The following ATF7IP variants were observed in gnomAD, a reference collection of about 807,000 sequenced individuals.
ATF7IP encodes activating transcription factor 7 interacting protein, also known as activating transcription factor 7-interacting protein 1.
Under a neutral mutation model 106.4 loss-of-function variants are expected in ATF7IP, and 23 were observed. The ratio of observed to expected loss-of-function variants is 0.22; its 90% CI spans 0.16 to 0.31. The LOEUF is 0.31. Ranked by LOEUF, ATF7IP falls within the 10% of genes least tolerant of loss-of-function variation. The pLI, the probability that ATF7IP is intolerant of heterozygous loss-of-function variation, is 1.00. For missense variants in ATF7IP, 1,334 were observed against 1,524.3 expected, an observed-to-expected ratio of 0.88 and a Z score of 2.08; for synonymous variants, 542 against 539.0, an observed-to-expected ratio of 1.01 and a Z score of -0.08.
At position 14,497,809 on chromosome 12, in the gene ATF7IP, C is replaced by T. The variant is rs758411536; in HGVS notation, c.3549C>T (p.Val1183=). The T allele has an allele frequency of 1.9e-6, 3 of 1,613,926 alleles. No individual in the cohort carries two copies. The highest frequency in any genetic ancestry group is 2.2e-5 in the East Asian group (1 of 44,874). The change falls in exon 15 of 15, where the codon GTC becomes GTT. Residue 1183 remains valine (V), a synonymous_variant. Transcript: ENST00000261168. ...SQNGIVLSWS[V]LEVDRSCATV... is the part of the protein sequence containing the mutation. ...ATGGCATAGTACTGTCATGGAGTGTCCTGGAGGTGGATCGAAGCTGTGCCA... is the reference window on the plus strand; with the variant it reads ...ATGGCATAGTACTGTCATGGAGTGTTCTGGAGGTGGATCGAAGCTGTGCCA...
intron 1 of ATF7IP, among the ~76,000 whole-genome samples, chr12:14,387,458 A>G (rs1266627670): frequency 1.3e-5 from 2 of 152,140 alleles, no homozygotes; most frequent in Non-Finnish European, 2.9e-5. Context: ...AAAACTGTCC[A>G]TGTTGAAATT....
At chr12:14,387,150 A>T (rs1392659119) in intron 1 of ATF7IP, among the ~76,000 whole-genome samples, 1 of 152,170 alleles carries the variant, frequency 6.6e-6, no homozygotes, top group Non-Finnish European at 1.5e-5. Context: ...GACATAGTAG[A>T]TTCTCATAAT....
intron 1 of ATF7IP, among the ~76,000 whole-genome samples, chr12:14,388,275 C>G (rs578221672): frequency 6.6e-6 from 1 of 151,984 alleles, no homozygotes; most frequent in African/African-American, 2.4e-5. Context: ...GTCTCGAACT[C>G]CTGACCTCAG....
At position 14,427,193 on chromosome 12, in the gene ATF7IP, G is replaced by A. The variant is rs1382327144; in HGVS notation, c.1558+1720G>A. On this transcript the variant is annotated intron_variant, in intron 2 of 14. Transcript: ENST00000261168. The stretch of plus-strand genomic sequence containing the variant: ...GCTGGAGTACAGTGGCACAATCATA[G>A]CTCACTGCAGCTTCCACTTTACTGG... Among the ~76,000 whole-genome samples, 5 of 152,122 alleles carry A rather than the reference G, an allele frequency of 3.3e-5. No individual in the cohort carries two copies. The East Asian group carries it at 9.7e-4, about 29-fold the overall frequency.
intron 13 of ATF7IP, among the ~76,000 whole-genome samples, chr12:14,489,254 G>A (rs1181052308): frequency 1.3e-5 from 2 of 152,150 alleles, no homozygotes; most frequent in Non-Finnish European, 2.9e-5. Context: ...CTCCATTGTG[G>A]AACAGTAGAC....
chr12:14,459,613 T>C (rs1003214704), intron 8 of ATF7IP, among the ~76,000 whole-genome samples: 3 of 152,220 alleles, frequency 2.0e-5, no homozygotes, highest in African/African-American at 4.8e-5. Context: ...CTCATTGTTA[T>C]GAAAATAGTT....
At chr12:14,414,905 C>CA (rs1565491174) in intron 1 of ATF7IP, among the ~76,000 whole-genome samples, 2 of 151,990 alleles carry the variant, frequency 1.3e-5, no homozygotes, top group Non-Finnish European at 2.9e-5. Flanking sequence ...GTGAAAAGTA[C>CA]GTTTGGACAA....
At chr12:14,377,054 G>A (rs1274595915) in intron 1 of ATF7IP, among the ~76,000 whole-genome samples, 3 of 152,028 alleles carry the variant, frequency 2.0e-5, no homozygotes, top group Non-Finnish European at 2.9e-5. Context: ...GAATGCAGTG[G>A]CATGATCTTG....
intron 1 of ATF7IP, among the ~76,000 whole-genome samples, chr12:14,405,739 C>T (rs1339633134): frequency 6.6e-6 from 1 of 152,160 alleles, no homozygotes; most frequent in South Asian, 2.1e-4. Flanking sequence ...CCACTTTAAA[C>T]TCCTGTGGGT....
chr12:14,447,130 A>T (rs1200874750), intron 6 of ATF7IP, 77 bp downstream of exon 6: 31 of 1,171,270 alleles, frequency 2.6e-5, no homozygotes, highest in Admixed American at 1.2e-4. Context: ...TTAGGAGGAA[A>T]CTGTATTACA....
chr12:14,412,441 T>C (rs1445201582), intron 1 of ATF7IP, among the ~76,000 whole-genome samples: 3 of 152,170 alleles, frequency 2.0e-5, no homozygotes, highest in African/African-American at 7.2e-5. Flanking sequence ...TATTTATGTC[T>C]TTAATTTATT....
At chr12:14,450,415 A>G (rs1591889245) in intron 6 of ATF7IP, among the ~76,000 whole-genome samples, 1 of 152,134 alleles carries the variant, frequency 6.6e-6, no homozygotes, top group South Asian at 2.1e-4. Flanking sequence ...CTTTTGCTGC[A>G]TCAATTAAGA....
At chr12:14,433,289 G>A (rs917494110) in intron 2 of ATF7IP, among the ~76,000 whole-genome samples, 2 of 152,066 alleles carry the variant, frequency 1.3e-5, no homozygotes, top group Admixed American at 1.3e-4. Context: ...GGTGGATCAC[G>A]AGGTCAAGAG....
At chr12:14,433,177 T>G (rs923011207) in intron 2 of ATF7IP, among the ~76,000 whole-genome samples, 1 of 152,122 alleles carries the variant, frequency 6.6e-6, no homozygotes, top group African/African-American at 2.4e-5. Context: ...GAGACCAGTC[T>G]GCCCAACATG....
At chr12:14,491,640 G>A (rs1041508649) in intron 13 of ATF7IP, among the ~76,000 whole-genome samples, 2 of 152,188 alleles carry the variant, frequency 1.3e-5, no homozygotes, top group African/African-American at 4.8e-5. Context: ...ACACCCCTGA[G>A]GTAAGACAGT....
chr12:14,496,351 T>G lies in ATF7IP; in HGVS notation c.3393+8T>G, dbSNP rs773521991. On this transcript the variant is annotated splice_region_variant and intron_variant, in intron 14 of 14. Transcript: ENST00000261168. ...CCACCACAAGTGCATACTGTAAGTG[T>G]TGATGCTTGGTTTTGCAAAATTCTC... 2.5e-6 allele frequency: 4 copies of G among 1,602,098 alleles called. No individual in the cohort carries two copies. Among genetic ancestry groups the G allele is most frequent in the Non-Finnish European group, 3.4e-6 (4 of 1,170,518 alleles).
chr12:14,392,124 T>C (rs116002060), intron 1 of ATF7IP, among the ~76,000 whole-genome samples: 80 of 152,332 alleles, frequency 5.3e-4, no homozygotes, highest in African/African-American at 1.7e-3. Flanking sequence ...AGAACTAATA[T>C]TGGGGTTTAA....
chr12:14,370,122 A>C (rs544287547), intron 1 of ATF7IP, among the ~76,000 whole-genome samples: 3 of 152,014 alleles, frequency 2.0e-5, no homozygotes, highest in Non-Finnish European at 4.4e-5. Context: ...TTTTTAGTAG[A>C]GACGAGGTTT....
Position 14,460,565 on chromosome 12 carries a change from T to C in ATF7IP, c.2229T>C (p.Thr743=), listed in dbSNP as rs774644529. 6.2e-7 allele frequency: 1 copy of C among 1,614,172 alleles called. No individual in the cohort carries two copies. The highest frequency in any genetic ancestry group is 8.5e-7 in the Non-Finnish European group (1 of 1,180,028). The change falls in exon 9 of 15, where the codon ACT becomes ACC. Residue 743 remains threonine, a synonymous_variant. Transcript: ENST00000261168. Reference sequence around the variant, plus strand: ...AACCTAAATTGCAGACTCCAGTGACTTCGGGTTCCCTCACAGCAACGTCAG... The same window carrying C: ...AACCTAAATTGCAGACTCCAGTGACCTCGGGTTCCCTCACAGCAACGTCAG... ...SSQPKLQTPV[T]SGSLTATSVL... is the part of the protein sequence containing the mutation.
Sources: gnomAD v4.1 joint callset for allele counts (sites outside exome capture counted in the v4.1 genomes callset) on GRCh38, gnomAD v4.1.1 for gene constraint, MANE v1.5 for transcripts, NCBI Gene and HGNC (gene_info 2026-07-23, HGNC 2026-07-21) for gene names.